ZNF585B: variants seen among roughly 807,000 people sequenced by gnomAD.
ZNF585B encodes the protein zinc finger protein 585B.
Under a neutral mutation model 14.0 loss-of-function variants are expected in ZNF585B, and 7 were observed. The ratio of observed to expected loss-of-function variants is 0.50; its 90% CI spans 0.28 to 0.94. The LOEUF (loss-of-function observed/expected upper bound fraction) is 0.94, where lower values mean the gene tolerates loss of function less well. Among genes scored for constraint, ZNF585B ranks in the 40% least tolerant of loss-of-function variants. The pLI, the probability that ZNF585B is intolerant of heterozygous loss-of-function variation, is 0.09. For missense variants in ZNF585B, 750 were observed against 924.4 expected, an observed-to-expected ratio of 0.81 and a Z score of 2.45; for synonymous variants, 290 against 317.3, an observed-to-expected ratio of 0.91 and a Z score of 0.91.
chr19:37,187,416 T>C (rs1972351843), intron 4 of ZNF585B, among the ~76,000 whole-genome samples, 172 bp from the exon 5 acceptor site: 1 of 152,168 alleles, frequency 6.6e-6, no homozygotes, highest in Non-Finnish European at 1.5e-5. Flanking sequence ...GTAAAATGTT[T>C]GGGTTCACAT....
intron 2 of ZNF585B, among the ~76,000 whole-genome samples, chr19:37,201,089 CA>C (rs34379718): frequency 2.5e-3 from 266 of 106,652 alleles, no homozygotes; most frequent in Admixed American, 3.1e-3. Context: ...GACTCCGTCT[CA>C]AAAAAAAAAA....
At chr19:37,210,024 A>ACTT (rs1972630388) in intron 1 of ZNF585B, among the ~76,000 whole-genome samples, 1 of 152,096 alleles carries the variant, frequency 6.6e-6, no homozygotes, top group Non-Finnish European at 1.5e-5. Context: ...CATAAAGTGC[A>ACTT]CTTCTAAACA....
At chr19:37,190,534 G>A (rs1972389371) in intron 2 of ZNF585B, 9 of 161,590 alleles carry the variant, frequency 5.6e-5, no homozygotes, top group Admixed American at 5.5e-4. Flanking sequence ...TTACAAGCTT[G>A]AGCCACCGCA....
chr19:37,207,768 C>T (rs1444702678), intron 1 of ZNF585B, among the ~76,000 whole-genome samples: 2 of 152,072 alleles, frequency 1.3e-5, no homozygotes, highest in Non-Finnish European at 2.9e-5. Context: ...TCAGCAATTA[C>T]CATGCACTAT....
At chr19:37,197,661 A>T (rs950789777) in intron 2 of ZNF585B, among the ~76,000 whole-genome samples, 1 of 152,100 alleles carries the variant, frequency 6.6e-6, no homozygotes, top group Non-Finnish European at 1.5e-5. Flanking sequence ...TGACTTTTTA[A>T]CGATTGCCAT....
At position 37,186,235 on chromosome 19, in the gene ZNF585B, T is replaced by C; in HGVS notation, c.1302A>G (p.Gly434=). The C allele has an allele frequency of 6.2e-7, 1 of 1,614,208 alleles. No individual in the cohort carries two copies. The change falls in exon 5 of 5, where the codon GGA becomes GGG. Residue 434 remains glycine, a synonymous_variant. Transcript: ENST00000532828. ...HLITHQIIHT[G]EKPYKCGHCG... is the part of the protein sequence containing the mutation. ...AGTGACCACATTTATAAGGTTTCTC[T>C]CCAGTATGAATTATTTGATGTGTAA...
At chr19:37,188,482 G>A (rs990789761) in intron 4 of ZNF585B, among the ~76,000 whole-genome samples, 9 of 151,096 alleles carry the variant, frequency 6.0e-5, no homozygotes, top group East Asian at 5.8e-4. Flanking sequence ...GTGAAACTCC[G>A]TCTCAAAAAT....
intron 4 of ZNF585B, 81 bp downstream of exon 4, chr19:37,189,580 G>T: frequency 6.6e-7 from 1 of 1,523,052 alleles, no homozygotes; most frequent in Non-Finnish European, 9.1e-7. Context: ...GCACTTCACA[G>T]GTTCCAGTGT....
chr19:37,189,517 A>T, intron 4 of ZNF585B, 144 bp downstream of exon 4: 3 of 780,772 alleles, frequency 3.8e-6, no homozygotes, highest in Non-Finnish European at 6.2e-6. Context: ...GTGATCTGAG[A>T]GGCATCAAGC....
At chr19:37,189,330 G>T (rs758514768) in intron 4 of ZNF585B, among the ~76,000 whole-genome samples, 1 of 152,066 alleles carries the variant, frequency 6.6e-6, no homozygotes, top group Non-Finnish European at 1.5e-5. Context: ...AGTAAATTTT[G>T]AAAGAAAGCA....
intron 2 of ZNF585B, chr19:37,190,389 GCA>G: frequency 2.6e-6 from 1 of 380,648 alleles, no homozygotes; most frequent in Non-Finnish European, 4.7e-6. Flanking sequence ...GGGATTACAG[GCA>G]CGTGCCACCA....
chr19:37,205,153 C>A (rs1396682894), intron 2 of ZNF585B, among the ~76,000 whole-genome samples: 1 of 152,150 alleles, frequency 6.6e-6, no homozygotes, highest in African/African-American at 2.4e-5. Context: ...TCCTCCCACC[C>A]TGGCTTTCCA....
chr19:37,184,416 GAGAAAGAAAGAAAAAGAAAGAAA>G lies in ZNF585B; in HGVS notation c.*788_*810del, dbSNP rs1972299165. ...AGAAAGAAAGAAAGAAAGAAAGAAA[GAGAAAGAAAGAAAAAGAAAGAAA>G]GAAGGAAAGAAAGAAAGAAAGAAAG... On this transcript the variant is annotated 3_prime_UTR_variant, in exon 5 of 5. Coordinates refer to ENST00000532828, the MANE Select transcript of ZNF585B (RefSeq NM_152279.4). 30 of 67,988 alleles carry G rather than the reference GAGAAAGAAAGAAAAAGAAAGAAA, an allele frequency of 4.4e-4. 2 individuals are homozygous for G. Among genetic ancestry groups the G allele is most frequent in the African/African-American group, 1.9e-3 (29 of 15,378 alleles). 4.2% of individuals were successfully genotyped at this position (67,988 alleles called of 1,614,324 possible).
intron 2 of ZNF585B, 124 bp from the exon 3 acceptor site, chr19:37,190,274 C>A: frequency 7.1e-7 from 1 of 1,402,964 alleles, no homozygotes. Flanking sequence ...TTGAGACAGT[C>A]TTGCTCTGTT....
At position 37,186,249 on chromosome 19, in the gene ZNF585B, T is replaced by C. The variant is rs1292491210; in HGVS notation, c.1288A>G (p.Ile430Val). 1.9e-6 allele frequency: 3 copies of C among 1,614,250 alleles called. No individual in the cohort carries two copies. The highest frequency in any genetic ancestry group is 2.5e-6 in the Non-Finnish European group (3 of 1,180,044). The change falls in exon 5 of 5, where the codon ATA becomes GTA. Residue 430 changes from isoleucine to valine, a missense_variant. By Grantham distance (29) the Ile-to-Val change is conservative. Around this residue, in one of 2 missense-constraint regions of ZNF585B, gnomAD observed 517 missense variants for 570.3 expected, o/e 0.91. Coordinates refer to ENST00000532828, the MANE Select transcript of ZNF585B (RefSeq NM_152279.4). The part of the protein sequence containing the change: ...IRKAHLITHQ[I>V]IHTGEKPYKC... ...TAAGGTTTCTCTCCAGTATGAATTA[T>C]TTGATGTGTAATCAAGTGTGCCTTC...
intron 2 of ZNF585B, among the ~76,000 whole-genome samples, chr19:37,192,901 C>T (rs367826348): frequency 6.6e-6 from 1 of 151,088 alleles, no homozygotes; most frequent in Admixed American, 6.6e-5. Context: ...CTGGGGAGGC[C>T]GAGGTGGGTG....
At position 37,183,830 on chromosome 19, in the gene ZNF585B, A is replaced by T. The variant is rs573248472; in HGVS notation, c.*1397T>A. The T allele has an allele frequency of 6.6e-6, 1 of 152,188 alleles. No individual in the cohort carries two copies. The highest frequency in any genetic ancestry group is 1.9e-4 in the East Asian group (1 of 5,178). 9.4% of individuals were successfully genotyped at this position (152,188 alleles called of 1,614,324 possible). A position where few individuals can be genotyped will look rare whatever the true frequency, so the allele number is the denominator to read the frequency against. ...TTTCATATGATTTATGATTTATCTCATATCTCATATAATGTAAGATAATGA... is the reference window on the plus strand; with the variant it reads ...TTTCATATGATTTATGATTTATCTCTTATCTCATATAATGTAAGATAATGA... On this transcript the variant is annotated 3_prime_UTR_variant, in exon 5 of 5. Coordinates refer to ENST00000532828, the MANE Select transcript of ZNF585B (RefSeq NM_152279.4).
rs1031852124 is a variant in ZNF585B at position 37,182,039 on chromosome 19, C to T, written c.*3188G>A. On this transcript the variant is annotated 3_prime_UTR_variant, in exon 5 of 5. Transcript: ENST00000532828. ...TTCATCAATTGTAACAAATGTACCA[C>T]TCTGAAGGGGGATGTTGATGATGGG... The T allele has an allele frequency of 1.3e-5, 2 of 152,074 alleles. No homozygotes were observed. Among genetic ancestry groups the T allele is most frequent in the Non-Finnish European group, 2.9e-5 (2 of 68,022 alleles). The allele number at this position is 152,074 out of a possible 1,614,324, so 9.4% of individuals were successfully genotyped here.
At chr19:37,202,359 C>G (rs780497102) in intron 2 of ZNF585B, among the ~76,000 whole-genome samples, 26 of 152,128 alleles carry the variant, frequency 1.7e-4, no homozygotes, top group Non-Finnish European at 3.5e-4. Context: ...CTATTTATTT[C>G]CAGTTCTTTT....
Sources: gnomAD v4.1 joint callset for allele counts (sites outside exome capture counted in the v4.1 genomes callset) on GRCh38, gnomAD v4.1.1 for gene constraint, gnomAD v4.1.1 regional missense constraint, MANE v1.5 for transcripts, NCBI Gene and HGNC (gene_info 2026-07-23, HGNC 2026-07-21) for gene names.